Variants in CYP26B1 observed in about 807,000 individuals in gnomAD.
CYP26B1 encodes cytochrome P450 26B1.
CYP26B1 carries 8 observed loss-of-function variants against 39.1 expected under a neutral mutation model. The ratio of observed to expected loss-of-function variants is 0.20; its 90% CI spans 0.12 to 0.37. CYP26B1 has a LOEUF of 0.37. CYP26B1 is among the 10% of genes least tolerant of loss of function. The pLI is 1.00. For synonymous variants in CYP26B1, 321 were observed against 314.3 expected (o/e 1.02, Z -0.23); for missense variants, 615 against 707.0 (o/e 0.87, Z 1.48).
At chr2:72,142,748 C>T (rs536849270) in intron 2 of CYP26B1, among the ~76,000 whole-genome samples, 4 of 152,312 alleles carry the variant, frequency 2.6e-5, no homozygotes, top group African/African-American at 9.6e-5. Flanking sequence ...CCCCAGAACT[C>T]CTCTCCCGCC....
intron 2 of CYP26B1, among the ~76,000 whole-genome samples, chr2:72,142,037 T>C (rs1237241753): frequency 1.3e-5 from 2 of 152,072 alleles, no homozygotes; most frequent in Admixed American, 1.3e-4. Context: ...TAGGGAGCCA[T>C]CGCGCCTCAG....
chr2:72,147,609 A>T lies in CYP26B1; in HGVS notation c.204+22T>A, dbSNP rs1677157602. 6.3e-7 allele frequency: 1 copy of T among 1,598,718 alleles called. No homozygotes were observed. The highest frequency in any genetic ancestry group is 2.3e-5 in the East Asian group (1 of 43,744). Reference sequence around the variant, plus strand: ...TCGCAGCTAGCGGACCCCGGAGTGCAGCGGAGCGAGCGCGCCCTTACCTGC... The same window carrying T: ...TCGCAGCTAGCGGACCCCGGAGTGCTGCGGAGCGAGCGCGCCCTTACCTGC... On this transcript the variant is annotated intron_variant, in intron 1 of 5. Transcript: ENST00000001146. This position sits in a 1 kb window ranked among gnomAD's most constrained non-coding sequence, Gnocchi z 6.1.
At position 72,131,954 on chromosome 2, in the gene CYP26B1, C is replaced by T. The variant is rs986562024; in HGVS notation, c.*273G>A. The T allele has an allele frequency of 4.2e-5, 23 of 547,134 alleles. No homozygotes were observed. Among genetic ancestry groups the T allele is most frequent in the Non-Finnish European group, 5.6e-5 (17 of 303,268 alleles). The allele number at this position is 547,134 out of a possible 1,614,324, so 33.9% of individuals were successfully genotyped here. A position where few individuals can be genotyped will look rare whatever the true frequency, so the allele number is the denominator to read the frequency against. On this transcript the variant is annotated 3_prime_UTR_variant, in exon 6 of 6. Transcript: ENST00000001146. ...CACGCGCTGACACCTAACACTGTCA[C>T]GGGCATGCAGAGCCCCTGCCACGCC...
In CYP26B1 at chr2:72,135,315, G is replaced by T. The variant is rs756114855; in HGVS notation, c.534C>A (p.Ala178=). The stretch of plus-strand genomic sequence containing the variant: ...TCTGCGCCTCCTGGTACACGTTGAT[G>T]GCCTCGGGGTGGCTGCTCCAGGCGC... ...TLRAWSSHPE[A]INVYQEAQKL... is the part of the protein sequence containing the mutation. Residue 178 remains alanine, a synonymous_variant, in exon 3 of 6, where the codon GCC becomes GCA. Coordinates refer to ENST00000001146, the MANE Select transcript of CYP26B1 (RefSeq NM_019885.4). 3 of 1,614,082 alleles carry T rather than the reference G, an allele frequency of 1.9e-6. No individual in the cohort carries two copies. The highest frequency in any genetic ancestry group is 2.2e-5 in the South Asian group (2 of 91,086).
Position 72,147,594 on chromosome 2 carries a change from C to T in CYP26B1, c.204+37G>A, listed in dbSNP as rs200690868. The T allele has an allele frequency of 1.3e-6, 2 of 1,575,620 alleles. No homozygotes were observed. Among genetic ancestry groups the T allele is most frequent in the East Asian group, 2.4e-5 (1 of 41,704 alleles). ...CCGTCTGCCCCGCGCTCGCAGCTAGCGGACCCCGGAGTGCAGCGGAGCGAG... is the reference window on the plus strand; with the variant it reads ...CCGTCTGCCCCGCGCTCGCAGCTAGTGGACCCCGGAGTGCAGCGGAGCGAG... On this transcript the variant is annotated intron_variant, in intron 1 of 5. Coordinates refer to ENST00000001146, the MANE Select transcript of CYP26B1 (RefSeq NM_019885.4). This position sits in a 1 kb window ranked among gnomAD's most constrained non-coding sequence, Gnocchi z 6.1.
In CYP26B1 at chr2:72,147,515, G is replaced by A; in HGVS notation, c.204+116C>T. 2.9e-6 allele frequency: 3 copies of A among 1,042,292 alleles called. No individual in the cohort carries two copies. The East Asian group carries it at 9.3e-5, about 32-fold the overall frequency. The allele number at this position is 1,042,292 out of a possible 1,614,324, so 64.6% of individuals were successfully genotyped here. ...CTGCGGCAGAGAGGAGGGAAGGGGC[G>A]GGGCGGGGACCAGTGCCTTCAGGCT... On this transcript the variant is annotated intron_variant, in intron 1 of 5. Transcript: ENST00000001146. This position sits in a 1 kb window ranked among gnomAD's most constrained non-coding sequence, Gnocchi z 6.1.
chr2:72,141,970 C>T (rs1449159030), intron 2 of CYP26B1, among the ~76,000 whole-genome samples: 1 of 152,150 alleles, frequency 6.6e-6, no homozygotes, highest in East Asian at 1.9e-4. Context: ...CAGGATGAAC[C>T]AGCTTCTGGT....
rs1044392364 is a variant in CYP26B1 at position 72,130,677 on chromosome 2, G to A, written c.*1550C>T. The A allele has an allele frequency of 1.3e-5, 2 of 152,108 alleles. No homozygotes were observed. The highest frequency in any genetic ancestry group is 2.4e-5 in the African/African-American group (1 of 41,404). 9.4% of individuals were successfully genotyped at this position (152,108 alleles called of 1,614,324 possible). A position where few individuals can be genotyped will look rare whatever the true frequency, so the allele number is the denominator to read the frequency against. ...AAATCTAGAGACTCACCAAACGCCCGGAAACCTTCCCCAGGAGGCATCCCA... is the reference window on the plus strand; with the variant it reads ...AAATCTAGAGACTCACCAAACGCCCAGAAACCTTCCCCAGGAGGCATCCCA... On this transcript the variant is annotated 3_prime_UTR_variant, in exon 6 of 6. Coordinates refer to ENST00000001146, the MANE Select transcript of CYP26B1 (RefSeq NM_019885.4).
At chr2:72,136,512 C>T (rs1174972829) in intron 2 of CYP26B1, among the ~76,000 whole-genome samples, 1 of 152,208 alleles carries the variant, frequency 6.6e-6, no homozygotes, top group African/African-American at 2.4e-5. Flanking sequence ...CAGGCATTCA[C>T]AATAGCACTT....
Position 72,132,096 on chromosome 2 carries a change from G to C in CYP26B1, c.*131C>G, listed in dbSNP as rs1222477103. ...GGCTTTGGGTAGGGTTTGCCAGGGA[G>C]GGGGAGCAAGGGAGGGCAAGTATGG... On this transcript the variant is annotated 3_prime_UTR_variant, in exon 6 of 6. Transcript: ENST00000001146. The C allele has an allele frequency of 2.4e-5, 26 of 1,071,378 alleles. No individual in the cohort carries two copies. Among genetic ancestry groups the C allele is most frequent in the Non-Finnish European group, 2.8e-5 (21 of 745,762 alleles). The allele number at this position is 1,071,378 out of a possible 1,614,324, so 66.4% of individuals were successfully genotyped here.
intron 2 of CYP26B1, among the ~76,000 whole-genome samples, chr2:72,137,223 C>T (rs1023970263): frequency 3.9e-5 from 6 of 152,146 alleles, no homozygotes; most frequent in Admixed American, 6.5e-5. Flanking sequence ...CAGCCAAAGT[C>T]GAAGCTGGTG....
chr2:72,147,287 A>G lies in CYP26B1; in HGVS notation c.204+344T>C, dbSNP rs1048657341. Among the ~76,000 whole-genome samples, 5 of 151,966 alleles carry G rather than the reference A, an allele frequency of 3.3e-5. No individual in the cohort carries two copies. Among genetic ancestry groups the G allele is most frequent in the African/African-American group, 1.2e-4 (5 of 41,378 alleles). ...CGAGGGGAGGCGAAAGCGGCTCAGG[A>G]CCGGACCCTCCCCCGGGACCGCGCC... is the stretch of plus-strand genomic sequence containing the variant. On this transcript the variant is annotated intron_variant, in intron 1 of 5. Transcript: ENST00000001146. This position sits in a 1 kb window ranked among gnomAD's most constrained non-coding sequence, Gnocchi z 6.1.
chr2:72,132,996 C>G (rs764275427), intron 5 of CYP26B1, 27 bp downstream of exon 5: 2 of 1,612,788 alleles, frequency 1.2e-6, no homozygotes, highest in Non-Finnish European at 1.7e-6. Context: ...TCCCCCATCG[C>G]CCCCGGTGCC....
chr2:72,134,665 G>A (rs1013021689), intron 4 of CYP26B1, 96 bp downstream of exon 4: 5 of 1,526,442 alleles, frequency 3.3e-6, no homozygotes, highest in Admixed American at 2.0e-5. Flanking sequence ...CCAGACTACA[G>A]GGGGTAGAAA....
chr2:72,133,095 G>A lies in CYP26B1; in HGVS notation c.1074C>T (p.Ile358=), dbSNP rs765206982. The change falls in exon 5 of 6, where the codon ATC becomes ATT. Residue 358 remains isoleucine, a synonymous_variant. Transcript: ENST00000001146. ...GCGTGAACAGGCGCATGACCTCCTT[G>A]ATGACGCAGTCCAGGTAGCGCAGCC... ...LSGLRYLDCV[I]KEVMRLFTPI... 1.8e-5 allele frequency: 29 copies of A among 1,613,222 alleles called. No homozygotes were observed. The highest frequency in any genetic ancestry group is 2.5e-5 in the Non-Finnish European group (29 of 1,179,992).
rs1441942563 is a variant in CYP26B1 at position 72,135,250 on chromosome 2, A to AAGC, written c.596_598dup (p.Gly199_Phe200insCys). On this transcript the variant is annotated inframe_insertion, in exon 3 of 6. Coordinates refer to ENST00000001146, the MANE Select transcript of CYP26B1 (RefSeq NM_019885.4). Reference sequence around the variant, plus strand: ...CCCAAGGTCCTCCTCAGGGATGCTGAAGCCCAGCAGCACCCGGATGGCCAT... The same window carrying AAGC: ...CCCAAGGTCCTCCTCAGGGATGCTGAAGCAGCCCAGCAGCACCCGGATGGCCAT... The AAGC allele has an allele frequency of 4.3e-6, 7 of 1,613,844 alleles. No individual in the cohort carries two copies.
In CYP26B1 at chr2:72,133,010, G is replaced by C. The variant is rs777329931; in HGVS notation, c.1146+13C>G. 75 of 1,612,976 alleles carry C rather than the reference G, an allele frequency of 4.6e-5. No individual in the cohort carries two copies. Among genetic ancestry groups the C allele is most frequent in the Non-Finnish European group, 5.8e-5 (68 of 1,179,960 alleles). On this transcript the variant is annotated intron_variant, in intron 5 of 5. Transcript: ENST00000001146. ...CTCCCCCATCGCCCCCGGTGCCACG[G>C]GCCCAGCCTCACATCAAGCTCGAAG... is the stretch of plus-strand genomic sequence containing the variant.
intron 4 of CYP26B1, 148 bp from the exon 5 acceptor site, chr2:72,133,455 T>C (rs1040454301): frequency 1.2e-5 from 13 of 1,069,920 alleles, no homozygotes; most frequent in Non-Finnish European, 1.7e-5. Context: ...CTGAGCTTCA[T>C]GTTGCCGGGG....
chr2:72,143,199 C>A (rs969894242), intron 2 of CYP26B1: 1 of 154,292 alleles, frequency 6.5e-6, no homozygotes, highest in African/African-American at 2.4e-5. Flanking sequence ...GCTTAGGGCC[C>A]GCCCGCTGGC....
Sources: gnomAD v4.1 joint callset for allele counts (sites outside exome capture counted in the v4.1 genomes callset) on GRCh38, gnomAD v4.1.1 for gene constraint, Gnocchi (gnomAD v3.1) non-coding constraint, MANE v1.5 for transcripts, NCBI Gene and HGNC (gene_info 2026-07-23, HGNC 2026-07-21) for gene names.